STIM1: variants seen among roughly 807,000 people sequenced by gnomAD.
STIM1 encodes the protein stromal interaction molecule 1.
Under a neutral mutation model 74.7 loss-of-function variants are expected in STIM1, and 25 were observed. The ratio of observed to expected loss-of-function variants is 0.33; its 90% CI spans 0.24 to 0.47. STIM1 has a LOEUF of 0.47. STIM1 is among the 20% of genes least tolerant of loss of function. STIM1 has a pLI of 1.00. For synonymous variants in STIM1, 328 were observed against 348.8 expected (o/e 0.94, Z 0.66); for missense variants, 728 against 920.8 (o/e 0.79, Z 2.71).
At chr11:4,026,578 T>TC (rs1234835304) in intron 3 of STIM1, among the ~76,000 whole-genome samples, 1 of 152,202 alleles carries the variant, frequency 6.6e-6, no homozygotes, top group Non-Finnish European at 1.5e-5. Context: ...TGTTCCCAGG[T>TC]CACCTGCACT....
At chr11:3,935,509 C>T (rs2092921653) in intron 1 of STIM1, among the ~76,000 whole-genome samples, 1 of 152,200 alleles carries the variant, frequency 6.6e-6, no homozygotes, top group Non-Finnish European at 1.5e-5. Context: ...GCACAGTAGA[C>T]ATTCTGGGAA....
intron 3 of STIM1, among the ~76,000 whole-genome samples, chr11:4,044,277 C>G (rs559443371): frequency 6.6e-6 from 1 of 152,280 alleles, no homozygotes; most frequent in Admixed American, 6.5e-5. Context: ...GAGTCTGTAT[C>G]TGTACTAAGC....
chr11:3,930,259 T>A (rs1382024260), intron 1 of STIM1, among the ~76,000 whole-genome samples: 4 of 152,192 alleles, frequency 2.6e-5, no homozygotes, highest in Admixed American at 2.6e-4. Context: ...GTGAGATAGA[T>A]ATTCTCATTT....
intron 12 of STIM1, among the ~76,000 whole-genome samples, chr11:4,090,099 C>T (rs926768139): frequency 2.6e-5 from 4 of 152,196 alleles, no homozygotes; most frequent in Non-Finnish European, 5.9e-5. Flanking sequence ...ATAACTCAGC[C>T]TTGCAAAGAA....
intron 2 of STIM1, among the ~76,000 whole-genome samples, chr11:4,013,525 T>C (rs190937192): frequency 6.6e-6 from 1 of 151,486 alleles, no homozygotes; most frequent in East Asian, 1.9e-4. Context: ...TTTTATATTA[T>C]TTTATTCTCT....
intron 12 of STIM1, among the ~76,000 whole-genome samples, chr11:4,089,945 C>T (rs1418730489): frequency 6.6e-6 from 1 of 152,170 alleles, no homozygotes; most frequent in Non-Finnish European, 1.5e-5. Flanking sequence ...AGAGCACCTC[C>T]ATATCTACCT....
At chr11:4,064,351 G>T (rs967657782) in intron 5 of STIM1, among the ~76,000 whole-genome samples, 1 of 152,026 alleles carries the variant, frequency 6.6e-6, no homozygotes, top group African/African-American at 2.4e-5. Context: ...TCTGAGCATG[G>T]ACTAAAAATC....
intron 12 of STIM1, chr11:4,088,715 AAGGCAAAC>A: frequency 6.5e-7 from 1 of 1,535,788 alleles, no homozygotes; most frequent in East Asian, 2.4e-5. Flanking sequence ...ATCATCTCTA[AAGGCAAAC>A]AGGCTCTCTA....
rs58804386 is a variant in STIM1 at position 4,076,485 on chromosome 11, C to CAAAAAAAA, written c.969+1831_969+1838dup. 9.6e-4 allele frequency among the ~76,000 whole-genome samples: 39 copies of CAAAAAAAA among 40,760 alleles called. 1 individual carries two copies. The highest frequency in any genetic ancestry group is 4.4e-3 in the African/African-American group (39 of 8,914). The allele number at this position is 40,760 out of a possible 152,430, so 26.7% of individuals were successfully genotyped here. ...TGGGTGACAGAGTGAGACTCCATCT[C>CAAAAAAAA]AAAAAAAAAAAAAAAAAAAAAAAAA... On this transcript the variant is annotated intron_variant, in intron 7 of 12. Coordinates refer to ENST00000526596, the MANE Select transcript of STIM1 (RefSeq NM_001382567.1).
intron 3 of STIM1, among the ~76,000 whole-genome samples, chr11:4,043,272 T>G (rs983290537): frequency 6.6e-6 from 1 of 152,206 alleles, no homozygotes; most frequent in African/African-American, 2.4e-5. Flanking sequence ...AAATTGTTCT[T>G]AATCATAAAA....
chr11:4,081,618 G>T (rs1281985367), intron 7 of STIM1, among the ~76,000 whole-genome samples: 1 of 152,174 alleles, frequency 6.6e-6, no homozygotes, highest in Non-Finnish European at 1.5e-5. Flanking sequence ...CCCATGACAG[G>T]GAACTCATTC....
At chr11:4,020,126 ATT>A (rs1048007522) in intron 2 of STIM1, among the ~76,000 whole-genome samples, 2 of 152,210 alleles carry the variant, frequency 1.3e-5, no homozygotes, top group African/African-American at 2.4e-5. Flanking sequence ...ACAGAATTTC[ATT>A]CTTTTTTTCT....
chr11:4,084,732 G>A lies in STIM1; in HGVS notation c.1534G>A (p.Gly512Ser), dbSNP rs74352612. ...CCGCTCTCTCTGCTCTACATCCGCC[G>A]GCTCGGATGATCAGTCCCTCTGGAA... ...SDRSLCSTSA[G>S]SDDQSLWKYP... The change falls in exon 11 of 13, where the codon GGC (glycine) becomes AGC (serine). Residue 512 changes from glycine to serine, a missense_variant. This residue lies in a region of STIM1 where 352 missense variants were observed against 370.1 expected (regional missense o/e 0.95). Transcript: ENST00000526596. The A allele has an allele frequency of 7.0e-6, 9 of 1,289,350 alleles. No homozygotes were observed. The highest frequency in any genetic ancestry group is 1.1e-4 in the East Asian group (2 of 18,020). 79.9% of individuals were successfully genotyped at this position (1,289,350 alleles called of 1,614,324 possible).
chr11:3,889,558 A>T (rs552387830), intron 1 of STIM1, among the ~76,000 whole-genome samples: 1 of 152,124 alleles, frequency 6.6e-6, no homozygotes, highest in East Asian at 1.9e-4. Context: ...ATTTTTTAGT[A>T]GAGATGGAGT....
At chr11:3,895,890 C>CTTTCT (rs1431750454) in intron 1 of STIM1, among the ~76,000 whole-genome samples, 1 of 120,774 alleles carries the variant, frequency 8.3e-6, no homozygotes, top group Non-Finnish European at 1.8e-5. Context: ...TCTTTCTTTT[C>CTTTCT]TTTCTTTCTT....
chr11:4,090,432 C>T (rs535138408), intron 12 of STIM1, among the ~76,000 whole-genome samples: 65 of 152,174 alleles, frequency 4.3e-4, no homozygotes, highest in Non-Finnish European at 8.1e-4. Context: ...CCCTTCCTGC[C>T]GCACCACAGA....
chr11:3,927,423 G>T (rs1249027712), intron 1 of STIM1, among the ~76,000 whole-genome samples: 1 of 152,218 alleles, frequency 6.6e-6, no homozygotes, highest in Non-Finnish European at 1.5e-5. Flanking sequence ...GGTGAATCCA[G>T]TGTTTTGTGT....
chr11:4,032,044 T>G (rs562986086), intron 3 of STIM1, among the ~76,000 whole-genome samples: 9 of 152,258 alleles, frequency 5.9e-5, no homozygotes, highest in Non-Finnish European at 1.3e-4. Flanking sequence ...GTATTAATTT[T>G]TATATGTGGT....
intron 1 of STIM1, among the ~76,000 whole-genome samples, chr11:3,958,709 C>T (rs922760072): frequency 6.6e-6 from 1 of 152,108 alleles, no homozygotes; most frequent in Non-Finnish European, 1.5e-5. Context: ...GTGGCTCACA[C>T]CTGTAATTCC....
Sources: allele counts gnomAD v4.1 joint callset (sites outside exome capture counted in the v4.1 genomes callset), GRCh38; gene constraint gnomAD v4.1.1; regional missense constraint gnomAD v4.1.1; transcripts MANE v1.5; gene names NCBI Gene and HGNC (gene_info 2026-07-23, HGNC 2026-07-21).